PTPRJ: variants seen among roughly 807,000 people sequenced by gnomAD.
PTPRJ encodes protein tyrosine phosphatase receptor type J, also known as receptor-type tyrosine-protein phosphatase eta.
Under a neutral mutation model 141.3 loss-of-function variants are expected in PTPRJ, and 129 were observed. The ratio of observed to expected loss-of-function variants is 0.91; its 90% CI spans 0.79 to 1.06. The LOEUF is 1.06. Among genes scored for constraint, PTPRJ ranks in the 50% least tolerant of loss-of-function variants. The pLI, the probability that PTPRJ is intolerant of heterozygous loss-of-function variation, is 0.00. For missense variants in PTPRJ, 1,601 were observed against 1,679.7 expected (o/e 0.95, Z 0.82); for synonymous variants, 610 against 640.5 (o/e 0.95, Z 0.72).
At chr11:48,055,861 G>A (rs996932074) in intron 1 of PTPRJ, among the ~76,000 whole-genome samples, 24 of 152,228 alleles carry the variant, frequency 1.6e-4, no homozygotes, top group African/African-American at 5.5e-4. Context: ...CTGAAAACGC[G>A]ATGCATTTCA....
intron 1 of PTPRJ, among the ~76,000 whole-genome samples, chr11:48,062,081 T>C (rs533792475): frequency 6.6e-6 from 1 of 151,842 alleles, no homozygotes; most frequent in East Asian, 2.0e-4. Flanking sequence ...ATTTTTTTTT[T>C]TTTTGGTGGG....
intron 1 of PTPRJ, among the ~76,000 whole-genome samples, chr11:48,105,864 G>A (rs906895222): frequency 4.6e-5 from 7 of 152,168 alleles, no homozygotes; most frequent in Non-Finnish European, 2.9e-5. Context: ...CCAGTCTGGC[G>A]AGAGACCCTA....
chr11:48,060,389 G>A (rs915467400), intron 1 of PTPRJ, among the ~76,000 whole-genome samples: 4 of 152,008 alleles, frequency 2.6e-5, no homozygotes, highest in Admixed American at 1.3e-4. Context: ...GAGCTGCCAC[G>A]TTTCTATAAC....
chr11:48,046,256 C>A lies in PTPRJ; in HGVS notation c.97-63802C>A, dbSNP rs149168720. On this transcript the variant is annotated intron_variant, in intron 1 of 24. Transcript: ENST00000418331. ...AGAGATGGGGTTTTGCCATGTTGCC[C>A]ATGCTGGTCTTGAACTCCCGGCCTC... is the stretch of plus-strand genomic sequence containing the variant. The A allele has an allele frequency of 5.6e-3, 854 of 152,228 alleles. 4 individuals are homozygous for A. The highest frequency in any genetic ancestry group is 0.01 in the Middle Eastern group (3 of 294). The allele number at this position is 152,228 out of a possible 1,614,324, so 9.4% of individuals were successfully genotyped here. A position where few individuals can be genotyped will look rare whatever the true frequency, so the allele number is the denominator to read the frequency against.
intron 1 of PTPRJ, among the ~76,000 whole-genome samples, chr11:47,986,567 A>C (rs1196646649): frequency 6.6e-6 from 1 of 152,122 alleles, no homozygotes; most frequent in East Asian, 1.9e-4. Flanking sequence ...CTTAGGCTGG[A>C]GTGCAGTGGC....
At chr11:48,031,812 C>T (rs1447299982) in intron 1 of PTPRJ, among the ~76,000 whole-genome samples, 1 of 152,158 alleles carries the variant, frequency 6.6e-6, no homozygotes, top group Non-Finnish European at 1.5e-5. Flanking sequence ...TAGCGTGGCT[C>T]CTGAATGCAA....
chr11:47,987,470 A>C (rs1854080722), intron 1 of PTPRJ, among the ~76,000 whole-genome samples: 1 of 152,222 alleles, frequency 6.6e-6, no homozygotes, highest in African/African-American at 2.4e-5. Flanking sequence ...GTGGTGGGGA[A>C]CAGGAGCCTG....
intron 1 of PTPRJ, among the ~76,000 whole-genome samples, chr11:48,105,678 C>G (rs1205944804): frequency 2.6e-5 from 4 of 152,102 alleles, no homozygotes; most frequent in African/African-American, 7.2e-5. Flanking sequence ...CACCCTAGTC[C>G]ACACCTGTCA....
intron 1 of PTPRJ, among the ~76,000 whole-genome samples, chr11:48,053,308 A>G (rs1854644961): frequency 1.1e-5 from 1 of 91,518 alleles, no homozygotes; most frequent in Non-Finnish European, 2.0e-5. Flanking sequence ...AAATATATAA[A>G]TATATAATAT....
intron 1 of PTPRJ, among the ~76,000 whole-genome samples, chr11:48,035,711 C>T (rs139279195): frequency 2.0e-4 from 30 of 151,858 alleles, no homozygotes; most frequent in Non-Finnish European, 3.7e-4. Context: ...CTATTATTGG[C>T]GATTGCAGGA....
intron 5 of PTPRJ, 78 bp downstream of exon 5, chr11:48,123,948 C>T (rs1856773707): frequency 1.4e-6 from 2 of 1,454,464 alleles, no homozygotes; most frequent in East Asian, 2.3e-5. Flanking sequence ...AAATAAATTG[C>T]TCTTCCATGT....
chr11:47,995,931 G>A (rs534037428), intron 1 of PTPRJ, among the ~76,000 whole-genome samples: 118 of 152,152 alleles, frequency 7.8e-4, no homozygotes, highest in African/African-American at 2.8e-3. Flanking sequence ...CCAGCTACTC[G>A]GGAGGCTGAG....
At position 48,123,759 on chromosome 11, in the gene PTPRJ, C is replaced by T; in HGVS notation, c.763C>T (p.Leu255Phe). 6.2e-7 allele frequency: 1 copy of T among 1,614,154 alleles called. No individual in the cohort carries two copies. Among genetic ancestry groups the T allele is most frequent in the Non-Finnish European group, 8.5e-7 (1 of 1,180,020 alleles). The change falls in exon 5 of 25, where the codon CTT (leucine) becomes TTT (phenylalanine). Residue 255 changes from leucine (L) to phenylalanine (F), a missense_variant. Transcript: ENST00000418331. Reference sequence around the variant, plus strand: ...TGAGGAGTTGACTCAAGACTCAAGACTTCAGGTCAATATCTCGGGCCTGAA... The same window carrying T: ...TGAGGAGTTGACTCAAGACTCAAGATTTCAGGTCAATATCTCGGGCCTGAA... The part of the protein sequence containing the change: ...SHEELTQDSR[L>F]QVNISGLKPG...
chr11:48,133,138 T>C (rs544172345), intron 8 of PTPRJ, among the ~76,000 whole-genome samples: 1 of 152,330 alleles, frequency 6.6e-6, no homozygotes, highest in African/African-American at 2.4e-5. Flanking sequence ...GGTATTATTA[T>C]CATTTCTGTC....
intron 1 of PTPRJ, among the ~76,000 whole-genome samples, chr11:48,037,406 C>G (rs1854155071): frequency 6.6e-6 from 1 of 152,078 alleles, no homozygotes; most frequent in African/African-American, 2.4e-5. Context: ...CAGAGAGATG[C>G]CGTGGTCAGG....
At chr11:48,053,248 AT>A (rs1381936376) in intron 1 of PTPRJ, among the ~76,000 whole-genome samples, 3 of 84,866 alleles carry the variant, frequency 3.5e-5, no homozygotes, top group African/African-American at 1.7e-4. Context: ...ATATATTTAT[AT>A]AATATATATA....
chr11:48,015,316 T>A (rs761104419), intron 1 of PTPRJ, among the ~76,000 whole-genome samples: 6 of 151,598 alleles, frequency 4.0e-5, no homozygotes, highest in Non-Finnish European at 7.4e-5. Context: ...GCTCATCATG[T>A]TTTCCTTTGG....
At position 48,163,518 on chromosome 11, in the gene PTPRJ, G is replaced by T; in HGVS notation, c.3619G>T (p.Gly1207Cys). 1 of 1,613,908 alleles carries T rather than the reference G, an allele frequency of 6.2e-7. No individual in the cohort carries two copies. Among genetic ancestry groups the T allele is most frequent in the Non-Finnish European group, 8.5e-7 (1 of 1,179,842 alleles). ...CCATTTCACCTCCTGGCCAGACCAC[G>T]GTGTTCCCGACACCACTGACCTGCT... ...QFHFTSWPDH[G>C]VPDTTDLLIN... Residue 1207 changes from glycine (G) to cysteine (C), a missense_variant, in exon 23 of 25, where the codon GGT becomes TGT. Physicochemically the swap from Gly to Cys is radical, Grantham distance 159 (BLOSUM62 -3). Coordinates refer to ENST00000418331, the MANE Select transcript of PTPRJ (RefSeq NM_002843.4).
chr11:48,023,131 G>A (rs183337224), intron 1 of PTPRJ, among the ~76,000 whole-genome samples: 2 of 151,786 alleles, frequency 1.3e-5, no homozygotes, highest in African/African-American at 2.4e-5. Context: ...GAGTGTAGAC[G>A]AGAGAGTAAG....
Sources: allele counts gnomAD v4.1 joint callset (sites outside exome capture counted in the v4.1 genomes callset), GRCh38; gene constraint gnomAD v4.1.1; transcripts MANE v1.5; gene names NCBI Gene and HGNC (gene_info 2026-07-23, HGNC 2026-07-21).